SGCZ: variants seen among roughly 807,000 people sequenced by gnomAD.
The protein encoded by SGCZ is zeta-sarcoglycan.
Under a neutral mutation model 41.3 loss-of-function variants are expected in SGCZ, and 40 were observed. The ratio of observed to expected loss-of-function variants is 0.97; its 90% CI spans 0.75 to 1.26. The LOEUF (loss-of-function observed/expected upper bound fraction) is 1.26. Ranked by LOEUF, SGCZ falls within the 50% of genes most tolerant of loss-of-function variation. SGCZ has a pLI of 0.00. For synonymous variants in SGCZ, 206 were observed against 137.5 expected, an observed-to-expected ratio of 1.50 and a Z score of -3.49; for missense variants, 552 against 369.8, an observed-to-expected ratio of 1.49 and a Z score of -4.04.
intron 1 of SGCZ, among the ~76,000 whole-genome samples, chr8:15,056,671 C>T (rs1031684872): frequency 6.6e-6 from 1 of 152,062 alleles, no homozygotes; most frequent in African/African-American, 2.4e-5. Context: ...CTGCCATATT[C>T]GCAGCTGGCT....
At chr8:14,713,251 G>C (rs548769274) in intron 1 of SGCZ, among the ~76,000 whole-genome samples, 1 of 152,240 alleles carries the variant, frequency 6.6e-6, no homozygotes, top group South Asian at 2.1e-4. Flanking sequence ...ATCAAAGTTA[G>C]ACAAATTAAA....
Position 14,729,671 on chromosome 8 carries a change from TCAA to T in SGCZ, c.40-174748_40-174746del, listed in dbSNP as rs1810168063. On this transcript the variant is annotated intron_variant, in intron 1 of 7. Coordinates refer to ENST00000382080, the MANE Select transcript of SGCZ (RefSeq NM_139167.4). ...ATCAATCAATCAATCAATCAATCAATCAATCAATCTGTTGTTTAAGTAACCTAG... is the reference window on the plus strand; with the variant it reads ...ATCAATCAATCAATCAATCAATCAATTCAATCTGTTGTTTAAGTAACCTAG... Among the ~76,000 whole-genome samples the T allele has an allele frequency of 3.3e-5, 5 of 151,988 alleles. No homozygotes were observed. The South Asian group carries it at 1.0e-3, about 32-fold the overall frequency.
At chr8:14,473,781 C>CA (rs1169741850) in intron 2 of SGCZ, among the ~76,000 whole-genome samples, 2 of 151,450 alleles carry the variant, frequency 1.3e-5, no homozygotes, top group African/African-American at 4.9e-5. Context: ...ACTAAAAATA[C>CA]AAAAAAATTA....
chr8:14,620,857 G>C (rs563345381), intron 1 of SGCZ, among the ~76,000 whole-genome samples: 8 of 152,184 alleles, frequency 5.3e-5, no homozygotes, highest in South Asian at 4.1e-4. Flanking sequence ...TAAACTAGTT[G>C]AACCATTGTG....
chr8:14,606,744 G>T (rs1317873189), intron 1 of SGCZ, among the ~76,000 whole-genome samples: 1 of 152,162 alleles, frequency 6.6e-6, no homozygotes, highest in Admixed American at 6.5e-5. Flanking sequence ...CACATGGTTA[G>T]TGTTAAATGT....
In SGCZ at chr8:14,262,554, C is replaced by A. The variant is rs545729955; in HGVS notation, c.337-24875G>T. On this transcript the variant is annotated intron_variant, in intron 3 of 7. Transcript: ENST00000382080. ...GAGCAATTCAGTTCTGCAAAAGTAT[C>A]CTATAAAAATTATTCTAATTTCCAT... 4.0e-5 allele frequency among the ~76,000 whole-genome samples: 6 copies of A among 151,692 alleles called. 1 individual carries two copies. The South Asian group carries it at 1.2e-3, about 32-fold the overall frequency.
chr8:14,133,051 C>A (rs538884848), intron 5 of SGCZ, among the ~76,000 whole-genome samples: 3 of 152,202 alleles, frequency 2.0e-5, no homozygotes, highest in African/African-American at 4.8e-5. Context: ...AATAAAAAAA[C>A]CACGTTTCTC....
At chr8:14,221,233 A>G (rs994721714) in intron 4 of SGCZ, among the ~76,000 whole-genome samples, 60 of 152,356 alleles carry the variant, frequency 3.9e-4, no homozygotes, top group African/African-American at 1.3e-3. Flanking sequence ...GATTTGGTTC[A>G]CTTCTAGAAA....
intron 2 of SGCZ, among the ~76,000 whole-genome samples, chr8:14,519,517 A>T (rs1483467008): frequency 6.6e-6 from 1 of 152,148 alleles, no homozygotes; most frequent in African/African-American, 2.4e-5. Context: ...CGTTCATGTT[A>T]AAAAACACTT....
intron 1 of SGCZ, among the ~76,000 whole-genome samples, chr8:15,218,610 C>T (rs1801493988): frequency 6.6e-6 from 1 of 152,182 alleles, no homozygotes; most frequent in African/African-American, 2.4e-5. Context: ...AATACTGTTT[C>T]TTGCAGCCAG....
chr8:14,994,690 G>A (rs1802153650), intron 1 of SGCZ, among the ~76,000 whole-genome samples: 2 of 152,058 alleles, frequency 1.3e-5, no homozygotes, highest in African/African-American at 4.8e-5. Context: ...TACATTCACA[G>A]CACCTAGAAT....
At chr8:14,353,246 G>A (rs981342190) in intron 2 of SGCZ, among the ~76,000 whole-genome samples, 3 of 152,042 alleles carry the variant, frequency 2.0e-5, no homozygotes, top group African/African-American at 7.2e-5. Flanking sequence ...ACATTTACTA[G>A]TAGATAGAAA....
rs1402224857 is a variant in SGCZ, at chr8:15,237,999, G to A, written c.-376C>T. ...GAATTGCTGCATCCCGAGAAAAAAA[G>A]CTGCTTCCCTGGTCAGCATCATGCG... On this transcript the variant is annotated 5_prime_UTR_variant, in exon 1 of 8. Coordinates refer to ENST00000382080, the MANE Select transcript of SGCZ (RefSeq NM_139167.4). The A allele has an allele frequency of 5.5e-6, 1 of 182,218 alleles. No homozygotes were observed. The highest frequency in any genetic ancestry group is 1.2e-5 in the Non-Finnish European group (1 of 86,376). The allele number at this position is 182,218 out of a possible 1,614,324, so 11.3% of individuals were successfully genotyped here.
chr8:15,187,521 C>T (rs529294131), intron 1 of SGCZ, among the ~76,000 whole-genome samples: 1 of 152,066 alleles, frequency 6.6e-6, no homozygotes, highest in South Asian at 2.1e-4. Flanking sequence ...AAGTTTATCT[C>T]TTTTACTGCA....
At position 14,885,264 on chromosome 8, in the gene SGCZ, G is replaced by A. The variant is rs140641689; in HGVS notation, c.40-330338C>T. Among the ~76,000 whole-genome samples the A allele has an allele frequency of 3.6e-3, 545 of 152,238 alleles. 3 individuals are homozygous for A. The highest frequency in any genetic ancestry group is 0.012 in the African/African-American group (496 of 41,524). On this transcript the variant is annotated intron_variant, in intron 1 of 7. Transcript: ENST00000382080. ...AGTTTTACCTAGCATTGTATTCTCA[G>A]TACCAGCACAGTGGATGATTCATAG...
At chr8:14,742,393 T>G (rs1324296346) in intron 1 of SGCZ, among the ~76,000 whole-genome samples, 2 of 152,116 alleles carry the variant, frequency 1.3e-5, no homozygotes, top group Admixed American at 6.6e-5. Flanking sequence ...TTCAGTCTTA[T>G]TGTGCACATT....
chr8:15,086,996 G>C (rs535952558), intron 1 of SGCZ, among the ~76,000 whole-genome samples: 1 of 152,270 alleles, frequency 6.6e-6, no homozygotes, highest in East Asian at 1.9e-4. Flanking sequence ...GAGATGACAT[G>C]ACACAGAAGA....
chr8:14,827,127 C>G (rs1461608858), intron 1 of SGCZ, among the ~76,000 whole-genome samples: 1 of 150,140 alleles, frequency 6.7e-6, no homozygotes. Flanking sequence ...ACCAGACCAC[C>G]TTTCAGCATG....
intron 1 of SGCZ, among the ~76,000 whole-genome samples, chr8:14,944,643 T>C (rs184451038): frequency 6.6e-6 from 1 of 152,278 alleles, no homozygotes; most frequent in Admixed American, 6.5e-5. Flanking sequence ...GTTGTATGAA[T>C]AGCTGTAAAT....
Sources: gnomAD v4.1 joint callset for allele counts (sites outside exome capture counted in the v4.1 genomes callset) on GRCh38, gnomAD v4.1.1 for gene constraint, MANE v1.5 for transcripts, NCBI Gene and HGNC (gene_info 2026-07-23, HGNC 2026-07-21) for gene names.